Variants in TMEM132D observed in about 807,000 individuals in gnomAD.
TMEM132D encodes transmembrane protein 132D.
A neutral mutation model predicts 62.3 loss-of-function variants in TMEM132D; 21 were observed. The ratio of observed to expected loss-of-function variants is 0.34; its 90% CI spans 0.24 to 0.49. The LOEUF (loss-of-function observed/expected upper bound fraction) is 0.49. Among genes scored for constraint, TMEM132D ranks in the 20% least tolerant of loss-of-function variants. The pLI is 0.99. For synonymous variants in TMEM132D, 621 were observed against 575.6 expected (o/e 1.08, Z -1.13); for missense variants, 1,346 against 1,402.8 (o/e 0.96, Z 0.65).
chr12:129,898,073 A>T (rs1025877699), intron 1 of TMEM132D, among the ~76,000 whole-genome samples: 7 of 152,176 alleles, frequency 4.6e-5, no homozygotes, highest in African/African-American at 1.7e-4. Context: ...TTATCTGCAA[A>T]TTCACAAAAA....
intron 3 of TMEM132D, among the ~76,000 whole-genome samples, chr12:129,409,636 C>T (rs1375988937): frequency 1.3e-5 from 2 of 152,258 alleles, no homozygotes; most frequent in African/African-American, 2.4e-5. Flanking sequence ...TGAGATGCTC[C>T]TATATTGTTC....
At chr12:129,480,527 C>T (rs1393519890) in intron 3 of TMEM132D, among the ~76,000 whole-genome samples, 2 of 152,140 alleles carry the variant, frequency 1.3e-5, no homozygotes, top group East Asian at 1.9e-4. Flanking sequence ...CAAAGTGCTC[C>T]GGGTAGAGCT....
chr12:129,326,039 C>T (rs1593338158), intron 4 of TMEM132D, among the ~76,000 whole-genome samples: 1 of 152,154 alleles, frequency 6.6e-6, no homozygotes, highest in Admixed American at 6.5e-5. Flanking sequence ...CGGGAGGCTT[C>T]GCTCATGACA....
chr12:129,855,669 G>A lies in TMEM132D; in HGVS notation c.79+47592C>T, dbSNP rs369332924. Among the ~76,000 whole-genome samples, 11 of 10,012 alleles carry A rather than the reference G, an allele frequency of 1.1e-3. 2 individuals carry two copies. The East Asian group carries it at 0.021, about 19-fold the overall frequency. The allele number at this position is 10,012 out of a possible 152,430, so 6.6% of individuals were successfully genotyped here. A position where few individuals can be genotyped will look rare whatever the true frequency, so the allele number is the denominator to read the frequency against. On this transcript the variant is annotated intron_variant, in intron 1 of 8. Transcript: ENST00000422113. ...GGTGCCCTTGTAACGGAGTCCGGGG[G>A]AACGGGATGGGTGCCCTTGTAACAG... is the stretch of plus-strand genomic sequence containing the variant.
chr12:129,376,497 C>G (rs2135684024), intron 3 of TMEM132D, among the ~76,000 whole-genome samples: 1 of 152,288 alleles, frequency 6.6e-6, no homozygotes, highest in South Asian at 2.1e-4. Flanking sequence ...CCAGGTACCT[C>G]TCACGACACA....
At chr12:129,766,811 G>C (rs1304106480) in intron 1 of TMEM132D, among the ~76,000 whole-genome samples, 1 of 152,100 alleles carries the variant, frequency 6.6e-6, no homozygotes, top group Non-Finnish European at 1.5e-5. Context: ...AGGCAGGCAG[G>C]ACTCCAGACT....
In TMEM132D at chr12:129,299,420, C is replaced by CTTTTT. The variant is rs34775349; in HGVS notation, c.1299+38209_1299+38213dup. Among the ~76,000 whole-genome samples, 21 of 127,658 alleles carry CTTTTT rather than the reference C, an allele frequency of 1.6e-4. 1 individual carries two copies. Among genetic ancestry groups the CTTTTT allele is most frequent in the Middle Eastern group, 4.2e-3 (1 of 240 alleles). The allele number at this position is 127,658 out of a possible 152,430, so 83.7% of individuals were successfully genotyped here. A position where few individuals can be genotyped will look rare whatever the true frequency, so the allele number is the denominator to read the frequency against. ...CTCTTTTCTGTTTCACATAGTTGAA[C>CTTTTT]TTTTTTTTTTTTTTTTTTGCCAATT... On this transcript the variant is annotated intron_variant, in intron 4 of 8. Transcript: ENST00000422113.
chr12:129,214,135 A>G (rs1345703071), intron 4 of TMEM132D, among the ~76,000 whole-genome samples: 1 of 152,206 alleles, frequency 6.6e-6, no homozygotes, highest in African/African-American at 2.4e-5. Flanking sequence ...TGACACTTGG[A>G]CCTGGTCTGG....
intron 4 of TMEM132D, among the ~76,000 whole-genome samples, chr12:129,255,804 A>G (rs1475248289): frequency 6.6e-6 from 1 of 152,170 alleles, no homozygotes. Flanking sequence ...GAGGGGGAAA[A>G]ACAGAGGAAG....
At chr12:129,510,234 C>T (rs55966340) in intron 3 of TMEM132D, among the ~76,000 whole-genome samples, 3,305 of 152,092 alleles carry the variant, frequency 0.022, 50 homozygotes, top group Non-Finnish European at 0.037. Flanking sequence ...ATGTTGAGCA[C>T]GTTTTCATAT....
At chr12:129,593,735 C>T (rs1543045) in intron 2 of TMEM132D, among the ~76,000 whole-genome samples, 129,507 of 152,196 alleles carry the variant, frequency 0.85, 56,549 homozygotes, top group Middle Eastern at 0.97. Context: ...GGCATTGTGC[C>T]GGATGTAAAG....
intron 3 of TMEM132D, among the ~76,000 whole-genome samples, chr12:129,402,373 G>A (rs1404371806): frequency 6.6e-6 from 1 of 152,148 alleles, no homozygotes; most frequent in Non-Finnish European, 1.5e-5. Flanking sequence ...AGGAAGATTG[G>A]CTGTAATCAT....
At chr12:129,167,601 T>G (rs1325052238) in intron 5 of TMEM132D, among the ~76,000 whole-genome samples, 2 of 152,110 alleles carry the variant, frequency 1.3e-5, no homozygotes, top group Non-Finnish European at 2.9e-5. Flanking sequence ...GACCTTTGTC[T>G]TCTCTTGGTG....
At position 129,081,756 on chromosome 12, in the gene TMEM132D, T is replaced by A. The variant is rs533723630; in HGVS notation, c.1923+3A>T. 33 of 1,550,222 alleles carry A rather than the reference T, an allele frequency of 2.1e-5. No individual in the cohort carries two copies. The highest frequency in any genetic ancestry group is 4.1e-5 in the Admixed American group (2 of 48,638). ...ATTTGGGGATTTTTTTTTTTTTTTT[T>A]ACCTGAATGGTGGTCATCCCAAGCT... On this transcript the variant is annotated splice_donor_region_variant and intron_variant, in intron 7 of 8. Coordinates refer to ENST00000422113, the MANE Select transcript of TMEM132D (RefSeq NM_133448.3).
chr12:129,480,878 C>T (rs1277616377), intron 3 of TMEM132D, among the ~76,000 whole-genome samples: 1 of 152,166 alleles, frequency 6.6e-6, no homozygotes. Context: ...GACCAGAGGG[C>T]ACATGGGCAA....
intron 5 of TMEM132D, among the ~76,000 whole-genome samples, chr12:129,155,195 C>T (rs1446122025): frequency 6.6e-6 from 1 of 152,214 alleles, no homozygotes; most frequent in Non-Finnish European, 1.5e-5. Context: ...CTCACTAATA[C>T]CATATTGCAC....
intron 2 of TMEM132D, among the ~76,000 whole-genome samples, chr12:129,657,704 T>C (rs558047657): frequency 1.3e-4 from 20 of 152,340 alleles, no homozygotes; most frequent in African/African-American, 4.3e-4. Context: ...CAGTCATGGA[T>C]AGCCATGGTC....
At chr12:129,460,103 T>C (rs535327015) in intron 3 of TMEM132D, among the ~76,000 whole-genome samples, 4 of 152,334 alleles carry the variant, frequency 2.6e-5, no homozygotes, top group East Asian at 1.9e-4. Flanking sequence ...GCAGACATCA[T>C]AGTACGGCCA....
intron 2 of TMEM132D, chr12:129,681,683 A>T (rs1188624804): frequency 6.6e-6 from 1 of 152,242 alleles, no homozygotes; most frequent in East Asian, 1.9e-4. Flanking sequence ...TAAGCAATTC[A>T]CTAAGGCCAG....
Sources: gnomAD v4.1 joint callset for allele counts (sites outside exome capture counted in the v4.1 genomes callset) on GRCh38, gnomAD v4.1.1 for gene constraint, MANE v1.5 for transcripts, NCBI Gene and HGNC (gene_info 2026-07-23, HGNC 2026-07-21) for gene names.